The following ARMC12 variants were observed in gnomAD, a reference collection of about 807,000 sequenced individuals.
ARMC12 encodes armadillo repeat-containing protein 12.
A neutral mutation model predicts 37.4 loss-of-function variants in ARMC12; 25 were observed. The ratio of observed to expected loss-of-function variants is 0.67; its 90% CI spans 0.49 to 0.93. The LOEUF (loss-of-function observed/expected upper bound fraction) is 0.93, where lower values mean the gene tolerates loss of function less well. Ranked by LOEUF, ARMC12 falls within the 40% of genes least tolerant of loss-of-function variation. ARMC12 has a pLI of 0.00. For synonymous variants in ARMC12, 167 were observed against 176.1 expected (o/e 0.95, Z 0.41); for missense variants, 384 against 426.6 (o/e 0.90, Z 0.88).
At chr6:35,740,632 A>G (rs1302730468) in intron 3 of ARMC12, among the ~76,000 whole-genome samples, 1 of 152,066 alleles carries the variant, frequency 6.6e-6, no homozygotes. Context: ...GCCCCCTCCC[A>G]CATCTTGGCT....
rs541058238 is a variant in ARMC12, at chr6:35,747,240, T to C, written c.445-21T>C. 90 of 1,603,292 alleles carry C rather than the reference T, an allele frequency of 5.6e-5. 1 individual carries two copies. In the Middle Eastern group the frequency reaches 1.6e-3, roughly 28 times the overall value. Reference sequence around the variant, plus strand: ...GGTGATCACCTGTAAAAGTAAGCCCTTTTGTTCTCCCCCACTCCAGGAACA... The same window carrying C: ...GGTGATCACCTGTAAAAGTAAGCCCCTTTGTTCTCCCCCACTCCAGGAACA... On this transcript the variant is annotated intron_variant, in intron 3 of 5. Transcript: ENST00000373866.
intron 3 of ARMC12, among the ~76,000 whole-genome samples, chr6:35,743,903 AC>A (rs1767252891): frequency 6.6e-6 from 1 of 151,334 alleles, no homozygotes; most frequent in Admixed American, 6.6e-5. Context: ...CGAGATCACC[AC>A]ATTGCACTCC....
At chr6:35,732,039 C>T (rs1468157465), upstream of ARMC12, among the ~76,000 whole-genome samples, 2 of 151,404 alleles carry the variant, frequency 1.3e-5, no homozygotes, top group African/African-American at 2.4e-5. Context: ...TGCCCGTCGC[C>T]GGATGCGCGC....
At position 35,738,114 on chromosome 6, in the gene ARMC12, A is replaced by C; in HGVS notation, c.251A>C (p.Tyr84Ser). ...TCTTTGGAGTGCAAACAGGATGAGT[A>C]TGCCAAGAGCATGATCCTGCACAGT... ...LNSLECKQDE[Y>S]AKSMILHSIT... The change falls in exon 2 of 6, where the codon TAT becomes TCT. Residue 84 changes from tyrosine to serine, a missense_variant. Physicochemically the swap from Tyr to Ser is moderately radical, Grantham distance 144 (BLOSUM62 -2). Transcript: ENST00000373866. 6.2e-7 allele frequency: 1 copy of C among 1,614,054 alleles called. No individual in the cohort carries two copies. The highest frequency in any genetic ancestry group is 8.5e-7 in the Non-Finnish European group (1 of 1,180,002).
intron 3 of ARMC12, among the ~76,000 whole-genome samples, chr6:35,739,672 TC>T (rs1245389630): frequency 6.6e-6 from 1 of 152,192 alleles, no homozygotes; most frequent in Non-Finnish European, 1.5e-5. Flanking sequence ...TTTGTTACAT[TC>T]CAGCCTTTGT....
intron 2 of ARMC12, 101 bp from the exon 3 acceptor site, chr6:35,738,283 C>CCGG: frequency 1.7e-6 from 1 of 572,476 alleles, no homozygotes; most frequent in Non-Finnish European, 2.4e-6. Flanking sequence ...TGGCTGATAG[C>CCGG]GGTGGGGGGG....
In ARMC12 at chr6:35,748,682, C is replaced by T. The variant is rs1368867209; in HGVS notation, c.835C>T (p.Leu279=). 2.5e-6 allele frequency: 4 copies of T among 1,614,070 alleles called. No individual in the cohort carries two copies. The highest frequency in any genetic ancestry group is 3.4e-6 in the Non-Finnish European group (4 of 1,180,028). The change falls in exon 6 of 6, where the codon CTG becomes TTG. Residue 279 remains leucine (L), a synonymous_variant. Coordinates refer to ENST00000373866, the MANE Select transcript of ARMC12 (RefSeq NM_001286574.2). ...VVKWHYNEQS[L]HESLFGEESR... ...GAAATGGCATTACAACGAACAGTCC[C>T]TGCATGAATCCCTCTTTGGGGAAGA...
upstream of ARMC12, among the ~76,000 whole-genome samples, chr6:35,736,465 G>A (rs1766965140): frequency 6.6e-6 from 1 of 152,210 alleles, no homozygotes; most frequent in African/African-American, 2.4e-5. Context: ...GACCTCTGCT[G>A]CCCTCTAATG....
intron 5 of ARMC12, 86 bp downstream of exon 5, chr6:35,747,733 C>G: frequency 7.2e-7 from 1 of 1,384,038 alleles, no homozygotes; most frequent in Non-Finnish European, 1.0e-6. Flanking sequence ...GACAGATTTA[C>G]CCCTGATGAA....
At position 35,737,143 on chromosome 6, in the gene ARMC12, T is replaced by C. The variant is rs775512938; in HGVS notation, c.35T>C (p.Leu12Pro). 6.2e-7 allele frequency: 1 copy of C among 1,614,206 alleles called. No homozygotes were observed. The highest frequency in any genetic ancestry group is 1.1e-5 in the South Asian group (1 of 91,082). ...GKSIPQYLGQLDIRKSVVSLA... is the reference protein window; with the variant it reads ...GKSIPQYLGQPDIRKSVVSLA... Reference sequence around the variant, plus strand: ...AGCATCCCCCAATACCTGGGGCAACTGGACATCCGCAAAAGCGTAGTCAGC... The same window carrying C: ...AGCATCCCCCAATACCTGGGGCAACCGGACATCCGCAAAAGCGTAGTCAGC... Residue 12 changes from leucine to proline, a missense_variant, in exon 1 of 6, where the codon CTG becomes CCG. Transcript: ENST00000373866.
chr6:35,745,728 C>T (rs567665698), intron 3 of ARMC12, among the ~76,000 whole-genome samples: 1 of 152,286 alleles, frequency 6.6e-6, no homozygotes, highest in South Asian at 2.1e-4. Context: ...ACTATTTTTG[C>T]AACTTCCTGT....
chr6:35,736,810 A>G, upstream of ARMC12: 1 of 404,266 alleles, frequency 2.5e-6, no homozygotes, highest in Non-Finnish European at 4.6e-6. Flanking sequence ...AGGTTTCACC[A>G]TATTGGCCAG....
the ARMC12 span, among the ~76,000 whole-genome samples, chr6:35,731,889 G>C: frequency 2.4e-4 from 36 of 152,348 alleles, no homozygotes; most frequent in African/African-American, 8.2e-4. Flanking sequence ...CCCCGCCTAG[G>C]AGGCGCGCAG....
intron 3 of ARMC12, among the ~76,000 whole-genome samples, chr6:35,740,730 C>T (rs559107989): frequency 6.6e-6 from 1 of 152,092 alleles, no homozygotes; most frequent in East Asian, 1.9e-4. Flanking sequence ...TGTATGTATC[C>T]TTGCATATTC....
upstream of ARMC12, among the ~76,000 whole-genome samples, chr6:35,732,445 C>G (rs897329220): frequency 6.6e-4 from 100 of 152,322 alleles, no homozygotes; most frequent in African/African-American, 2.3e-3. Flanking sequence ...AGGAAACAGA[C>G]TCAGATTATG....
intron 3 of ARMC12, among the ~76,000 whole-genome samples, chr6:35,739,147 A>G (rs1767089716): frequency 6.6e-6 from 1 of 152,142 alleles, no homozygotes; most frequent in South Asian, 2.1e-4. Context: ...TCCTGGACCA[A>G]ACTGAGGGCT....
chr6:35,748,918 C>T lies in ARMC12; in HGVS notation c.*48C>T. 6.5e-7 allele frequency: 1 copy of T among 1,532,340 alleles called. No homozygotes were observed. The highest frequency in any genetic ancestry group is 2.3e-5 in the East Asian group (1 of 43,900). 94.9% of individuals were successfully genotyped at this position (1,532,340 alleles called of 1,614,324 possible). ...AGTATAGGAGAGAAACTTGAAGTTT[C>T]TTGAAGCTCGAATGTCTGTTGGTGG... On this transcript the variant is annotated 3_prime_UTR_variant, in exon 6 of 6. Coordinates refer to ENST00000373866, the MANE Select transcript of ARMC12 (RefSeq NM_001286574.2).
chr6:35,741,506 C>A (rs1446148811), intron 3 of ARMC12, among the ~76,000 whole-genome samples: 3 of 152,040 alleles, frequency 2.0e-5, no homozygotes, highest in Non-Finnish European at 4.4e-5. Context: ...CCTCTGCCTC[C>A]CAGGTTCAAG....
At position 35,748,535 on chromosome 6, in the gene ARMC12, C is replaced by G. The variant is rs1767407849; in HGVS notation, c.691-3C>G. The G allele has an allele frequency of 6.7e-7, 1 of 1,482,462 alleles. No homozygotes were observed. The highest frequency in any genetic ancestry group is 1.4e-5 in the African/African-American group (1 of 70,416). 91.8% of individuals were successfully genotyped at this position (1,482,462 alleles called of 1,614,324 possible). A position where few individuals can be genotyped will look rare whatever the true frequency, so the allele number is the denominator to read the frequency against. On this transcript the variant is annotated splice_region_variant and splice_polypyrimidine_tract_variant and intron_variant, in intron 5 of 5. Transcript: ENST00000373866. ...TCCCATTCTTTCTCTATTCCCATCA[C>G]AGGTTCACTCCAACTTCCTAAACCT...
Sources: allele counts gnomAD v4.1 joint callset (sites outside exome capture counted in the v4.1 genomes callset), GRCh38; gene constraint gnomAD v4.1.1; transcripts MANE v1.5; gene names NCBI Gene and HGNC (gene_info 2026-07-23, HGNC 2026-07-21).